GGH: variants seen among roughly 807,000 people sequenced by gnomAD.
GGH encodes gamma-glutamyl hydrolase.
A neutral mutation model predicts 39.2 loss-of-function variants in GGH; 18 were observed. The observed-to-expected ratio is 0.46, with a 90% CI of 0.32 to 0.68. The LOEUF (loss-of-function observed/expected upper bound fraction) is 0.68, where lower values mean the gene tolerates loss of function less well. Ranked by LOEUF, GGH falls within the 30% of genes least tolerant of loss-of-function variation. The pLI, the probability that GGH is intolerant of heterozygous loss-of-function variation, is 0.04. For missense variants in GGH, 367 were observed against 384.1 expected, an observed-to-expected ratio of 0.96 and a Z score of 0.37; for synonymous variants, 147 against 138.8, an observed-to-expected ratio of 1.06 and a Z score of -0.42.
At chr8:63,020,915 G>GGCT (rs1195554714) in intron 7 of GGH, among the ~76,000 whole-genome samples, 5 of 152,158 alleles carry the variant, frequency 3.3e-5, no homozygotes, top group Non-Finnish European at 7.3e-5. Context: ...AGCCTTAAGA[G>GGCT]GCTGCTGCTG....
intron 3 of GGH, among the ~76,000 whole-genome samples, chr8:63,029,288 A>T (rs967071085): frequency 6.6e-6 from 1 of 152,182 alleles, no homozygotes; most frequent in African/African-American, 2.4e-5. Context: ...ACACACCATC[A>T]CGTGCCTTGC....
chr8:63,026,137 G>A (rs1804678835), intron 5 of GGH, 21 bp downstream of exon 5: 1 of 1,540,846 alleles, frequency 6.5e-7, no homozygotes, highest in Non-Finnish European at 8.7e-7. Context: ...TTTTTCAAAG[G>A]GTTGAAAAGA....
rs1804742965 is a variant in GGH, at chr8:63,028,594, T to C, written c.276-1329A>G. On this transcript the variant is annotated intron_variant, in intron 3 of 8. Coordinates refer to ENST00000260118, the MANE Select transcript of GGH (RefSeq NM_003878.3). ...CATTAGAATACGGCTCATTTTCTGG[T>C]GACACTCAGAGATATAAATAAGGCC... 7.9e-5 allele frequency: 12 copies of C among 152,288 alleles called. No individual in the cohort carries two copies. The South Asian group carries it at 2.5e-3, about 32-fold the overall frequency. 9.4% of individuals were successfully genotyped at this position (152,288 alleles called of 1,614,324 possible). A position where few individuals can be genotyped will look rare whatever the true frequency, so the allele number is the denominator to read the frequency against.
At chr8:63,026,582 G>A (rs1804687491) in intron 4 of GGH, among the ~76,000 whole-genome samples, 1 of 152,150 alleles carries the variant, frequency 6.6e-6, no homozygotes, top group Non-Finnish European at 1.5e-5. Flanking sequence ...TATTTCAAAG[G>A]CTAAAAACAG....
intron 7 of GGH, 22 bp downstream of exon 7, chr8:63,023,885 T>A (rs753575266): frequency 4.2e-5 from 60 of 1,415,678 alleles, no homozygotes; most frequent in Middle Eastern, 2.3e-4. Context: ...TGAAATAAAG[T>A]ATACATGTTA....
intron 7 of GGH, among the ~76,000 whole-genome samples, chr8:63,022,101 T>G (rs1804597944): frequency 7.6e-6 from 1 of 130,834 alleles, no homozygotes; most frequent in South Asian, 3.0e-4. Flanking sequence ...TCTGTGTAAT[T>G]TTTTTTTTAC....
Position 63,038,740 on chromosome 8 carries a change from A to G in GGH, c.29T>C (p.Val10Ala). Residue 10 changes from valine to alanine, a missense_variant, in exon 1 of 9, where the codon GTG becomes GCG. Transcript: ENST00000260118. Reference protein sequence around the residue: MASPGCLLCVLGLLLCGAAS... With the variant: MASPGCLLCALGLLLCGAAS... ...CGCCCCGCAGAGTAGCAGGCCCAGC[A>G]CGCACAGCAGGCAGCCCGGACTGGC... 1 of 1,580,694 alleles carries G rather than the reference A, an allele frequency of 6.3e-7. No homozygotes were observed. The highest frequency in any genetic ancestry group is 8.6e-7 in the Non-Finnish European group (1 of 1,165,648).
intron 5 of GGH, among the ~76,000 whole-genome samples, chr8:63,025,639 G>C (rs541082547): frequency 3.9e-4 from 59 of 152,252 alleles, no homozygotes; most frequent in Non-Finnish European, 6.9e-4. Flanking sequence ...GCTGAGGCAG[G>C]AGAATCCCTT....
Position 63,038,759 on chromosome 8 carries a change from G to T in GGH, c.10C>A (p.Pro4Thr). The change falls in exon 1 of 9, where the codon CCG becomes ACG. Residue 4 changes from proline to threonine, a missense_variant. Transcript: ENST00000260118. MAS[P>T]GCLLCVLGLL... The stretch of plus-strand genomic sequence containing the variant: ...CCCAGCACGCACAGCAGGCAGCCCG[G>T]ACTGGCCATGGCGCTCGCCGCCTCC... The T allele has an allele frequency of 6.4e-7, 1 of 1,558,546 alleles. No homozygotes were observed. Among genetic ancestry groups the T allele is most frequent in the Non-Finnish European group, 8.7e-7 (1 of 1,155,762 alleles).
At chr8:63,026,671 TGAG>T (rs1354574514) in intron 4 of GGH, among the ~76,000 whole-genome samples, 1 of 152,126 alleles carries the variant, frequency 6.6e-6, no homozygotes, top group Non-Finnish European at 1.5e-5. Context: ...TGTTAATAGT[TGAG>T]GAGAGAAACA....
intron 7 of GGH, among the ~76,000 whole-genome samples, chr8:63,023,148 A>G (rs1804624574): frequency 1.3e-5 from 2 of 152,214 alleles, no homozygotes; most frequent in South Asian, 2.1e-4. Flanking sequence ...AGCCTCACAC[A>G]TGAGAGCATT....
chr8:63,026,107 C>T (rs774859302), intron 5 of GGH, 51 bp downstream of exon 5: 4 of 1,448,098 alleles, frequency 2.8e-6, no homozygotes, highest in South Asian at 1.3e-5. Flanking sequence ...TTGCTACTTA[C>T]TAATCCTGCC....
At chr8:63,015,940 A>T (rs1222113431) in intron 8 of GGH, among the ~76,000 whole-genome samples, 1 of 152,240 alleles carries the variant, frequency 6.6e-6, no homozygotes, top group African/African-American at 2.4e-5. Context: ...TATGATAAAA[A>T]TGTTTTTATG....
At chr8:63,029,968 C>T in intron 3 of GGH, 199 bp downstream of exon 3, 1 of 398,052 alleles carries the variant, frequency 2.5e-6, no homozygotes, top group Non-Finnish European at 4.5e-6. Context: ...TATACATTTC[C>T]TAACCTGCCT....
chr8:63,017,404 A>G, intron 8 of GGH, 89 bp downstream of exon 8: 1 of 778,824 alleles, frequency 1.3e-6, no homozygotes, highest in African/African-American at 1.7e-5. Context: ...CAAAACATTT[A>G]TAGAGCAAAA....
chr8:63,031,004 G>C (rs184734328), intron 2 of GGH, among the ~76,000 whole-genome samples: 50 of 152,328 alleles, frequency 3.3e-4, no homozygotes, highest in African/African-American at 1.2e-3. Flanking sequence ...CACCAAGTTA[G>C]TGAAATCCTT....
chr8:63,035,253 T>C (rs1804883842), intron 2 of GGH, among the ~76,000 whole-genome samples: 1 of 152,214 alleles, frequency 6.6e-6, no homozygotes, highest in African/African-American at 2.4e-5. Flanking sequence ...GCAATGTTAC[T>C]GCATTTAAAC....
In GGH at chr8:63,015,436, G is replaced by T; in HGVS notation, c.853C>A (p.His285Asn). Residue 285 changes from histidine (H) to asparagine (N), a missense_variant, in exon 9 of 9, where the codon CAT becomes AAT. His to Asn is a moderately conservative substitution (Grantham distance 68). Coordinates refer to ENST00000260118, the MANE Select transcript of GGH (RefSeq NM_003878.3). Reference protein sequence around the residue: ...FVNEARKNNHHFKSESEEEKA... With the variant: ...FVNEARKNNHNFKSESEEEKA... ...TCCTCTTCAGATTCAGATTTAAAATGATGGTTGTTTTTCCGAGCTGCAAGA... is the reference window on the plus strand; with the variant it reads ...TCCTCTTCAGATTCAGATTTAAAATTATGGTTGTTTTTCCGAGCTGCAAGA... 2 of 1,541,436 alleles carry T rather than the reference G, an allele frequency of 1.3e-6. No homozygotes were observed. The highest frequency in any genetic ancestry group is 1.8e-6 in the Non-Finnish European group (2 of 1,131,542).
intron 3 of GGH, chr8:63,028,431 T>C (rs1189224909): frequency 6.6e-6 from 1 of 152,190 alleles, no homozygotes. Flanking sequence ...ACTCCTTTCA[T>C]GCAGCAAAAC....
Sources: allele counts gnomAD v4.1 joint callset (sites outside exome capture counted in the v4.1 genomes callset), GRCh38; gene constraint gnomAD v4.1.1; transcripts MANE v1.5; gene names NCBI Gene and HGNC (gene_info 2026-07-23, HGNC 2026-07-21).